PTPRM: variants seen among roughly 807,000 people sequenced by gnomAD.
PTPRM encodes the protein protein tyrosine phosphatase receptor type M, also known as receptor-type tyrosine-protein phosphatase mu.
A neutral mutation model predicts 186.7 loss-of-function variants in PTPRM; 47 were observed. The ratio of observed to expected loss-of-function variants is 0.25; its 90% confidence interval spans 0.20 to 0.32. PTPRM has a LOEUF of 0.32. PTPRM is among the 10% of genes least tolerant of loss of function. The pLI is 1.00. For synonymous variants in PTPRM, 668 were observed against 674.9 expected, an observed-to-expected ratio of 0.99 and a Z score of 0.16; for missense variants, 1,494 against 1,865.0, an observed-to-expected ratio of 0.80 and a Z score of 3.66.
At chr18:7,705,506 T>C (rs932568835) in intron 1 of PTPRM, among the ~76,000 whole-genome samples, 1 of 152,082 alleles carries the variant, frequency 6.6e-6, no homozygotes, top group Admixed American at 6.6e-5. Flanking sequence ...AGTTGGATTA[T>C]AATGTTATAT....
chr18:7,653,735 G>T (rs2038781284), intron 1 of PTPRM, among the ~76,000 whole-genome samples: 1 of 152,148 alleles, frequency 6.6e-6, no homozygotes, highest in Admixed American at 6.5e-5. Flanking sequence ...CATTTATGTT[G>T]ATTCCATGTC....
At chr18:8,117,894 A>G (rs1011463542) in intron 13 of PTPRM, among the ~76,000 whole-genome samples, 1 of 152,224 alleles carries the variant, frequency 6.6e-6, no homozygotes, top group African/African-American at 2.4e-5. Flanking sequence ...TGTATTTTTC[A>G]TTAACATTCA....
intron 19 of PTPRM, among the ~76,000 whole-genome samples, chr18:8,275,968 T>C (rs1433263897): frequency 6.6e-6 from 1 of 152,154 alleles, no homozygotes; most frequent in East Asian, 1.9e-4. Flanking sequence ...TGTATCTCCT[T>C]GTTCTGTGGT....
At position 8,362,627 on chromosome 18, in the gene PTPRM, C is replaced by T. The variant is rs574265193; in HGVS notation, c.3055-8263C>T. The stretch of plus-strand genomic sequence containing the variant: ...AGAATATCCCTCTCTTCCATATCCA[C>T]CCATAGAAACAGCACTCCATATTTC... On this transcript the variant is annotated intron_variant, in intron 23 of 32. Transcript: ENST00000580170. 3.9e-5 allele frequency among the ~76,000 whole-genome samples: 6 copies of T among 152,302 alleles called. No homozygotes were observed. The South Asian group carries it at 1.0e-3, about 26-fold the overall frequency.
At chr18:7,913,711 A>G (rs1300434359) in intron 4 of PTPRM, among the ~76,000 whole-genome samples, 3 of 152,166 alleles carry the variant, frequency 2.0e-5, no homozygotes, top group Non-Finnish European at 4.4e-5. Context: ...GCATGTAGTA[A>G]TGAAACATTA....
At chr18:8,388,099 A>C (rs1234520490) in intron 31 of PTPRM, among the ~76,000 whole-genome samples, 1 of 152,200 alleles carries the variant, frequency 6.6e-6, no homozygotes, top group East Asian at 1.9e-4. Flanking sequence ...GGAGAATGCC[A>C]TGTTTCTCAA....
At chr18:8,064,333 G>T (rs2088878884) in intron 7 of PTPRM, among the ~76,000 whole-genome samples, 2 of 151,796 alleles carry the variant, frequency 1.3e-5, no homozygotes, top group African/African-American at 4.8e-5. Flanking sequence ...ATTTTGTGTA[G>T]ACTTTGGCAT....
At chr18:8,003,582 A>T (rs1016383833) in intron 7 of PTPRM, among the ~76,000 whole-genome samples, 3 of 152,244 alleles carry the variant, frequency 2.0e-5, no homozygotes, top group Non-Finnish European at 4.4e-5. Context: ...TCTGCTGAAT[A>T]AAGTACGGAT....
At chr18:7,678,468 G>T (rs375348752) in intron 1 of PTPRM, among the ~76,000 whole-genome samples, 5 of 152,316 alleles carry the variant, frequency 3.3e-5, no homozygotes, top group Admixed American at 2.0e-4. Context: ...GACTCTGGGA[G>T]CACAGGCATT....
chr18:8,396,889 A>G (rs2095847740), intron 32 of PTPRM, among the ~76,000 whole-genome samples: 1 of 152,140 alleles, frequency 6.6e-6, no homozygotes, highest in Non-Finnish European at 1.5e-5. Context: ...ACCTGTTGTC[A>G]TTTGGTTTTG....
intron 1 of PTPRM, among the ~76,000 whole-genome samples, chr18:7,769,319 G>A (rs1431060213): frequency 6.6e-6 from 1 of 152,136 alleles, no homozygotes; most frequent in East Asian, 1.9e-4. Context: ...ACCTTGGACA[G>A]GCTGTGTAAC....
At chr18:8,265,893 A>G (rs2094694513) in intron 19 of PTPRM, among the ~76,000 whole-genome samples, 1 of 152,130 alleles carries the variant, frequency 6.6e-6, no homozygotes, top group Admixed American at 6.5e-5. Flanking sequence ...TTCCAGTTTC[A>G]TGGGCGTATT....
At chr18:7,674,609 TA>T (rs2039293632) in intron 1 of PTPRM, among the ~76,000 whole-genome samples, 1 of 152,166 alleles carries the variant, frequency 6.6e-6, no homozygotes, top group African/African-American at 2.4e-5. Flanking sequence ...TTTGAGATGA[TA>T]ATTTTATGGA....
intron 2 of PTPRM, among the ~76,000 whole-genome samples, chr18:7,775,031 A>G (rs1210330011): frequency 6.6e-6 from 1 of 152,234 alleles, no homozygotes. Context: ...TTTGGATTTC[A>G]GATACAACAC....
intron 7 of PTPRM, among the ~76,000 whole-genome samples, chr18:7,965,970 G>C (rs1281461368): frequency 6.6e-6 from 1 of 152,154 alleles, no homozygotes; most frequent in Non-Finnish European, 1.5e-5. Context: ...TAAATAAGAA[G>C]TAAGATAAAT....
chr18:7,917,726 T>C (rs1252224760), intron 4 of PTPRM, among the ~76,000 whole-genome samples: 1 of 152,158 alleles, frequency 6.6e-6, no homozygotes, highest in Non-Finnish European at 1.5e-5. Context: ...AAATATACAG[T>C]AGATTTTGCA....
chr18:8,005,110 A>G (rs1310698972), intron 7 of PTPRM, among the ~76,000 whole-genome samples: 2 of 152,218 alleles, frequency 1.3e-5, no homozygotes, highest in African/African-American at 2.4e-5. Flanking sequence ...TATTTAAAGA[A>G]TGGTCCTTTG....
At chr18:7,738,348 T>TTAGATGCTTGAAGAAGTGGAG (rs1333724020) in intron 1 of PTPRM, among the ~76,000 whole-genome samples, 7 of 152,188 alleles carry the variant, frequency 4.6e-5, no homozygotes, top group African/African-American at 1.7e-4. Flanking sequence ...AGAAAGTTGT[T>TTAGATGCTTGAAGAAGTGGAG]TAGATGCTTG....
chr18:7,637,810 A>G (rs16952270), intron 1 of PTPRM, among the ~76,000 whole-genome samples: 5,482 of 152,292 alleles, frequency 0.036, 360 homozygotes, highest in African/African-American at 0.13. Flanking sequence ...ATTAGAACAG[A>G]ATGCGTTTAC....
Sources: gnomAD v4.1 joint callset for allele counts (sites outside exome capture counted in the v4.1 genomes callset) on GRCh38, gnomAD v4.1.1 for gene constraint, MANE v1.5 for transcripts, NCBI Gene and HGNC (gene_info 2026-07-23, HGNC 2026-07-21) for gene names.